The following COQ4 variants were observed in gnomAD, a reference collection of about 807,000 sequenced individuals.
The protein encoded by COQ4 is coenzyme Q4, also known as ubiquinone biosynthesis protein COQ4 homolog, mitochondrial.
Under a neutral mutation model 30.2 loss-of-function variants are expected in COQ4, and 36 were observed. That is an observed-to-expected ratio of 1.19 (90% CI 0.91 to 1.57). The LOEUF is 1.57. Among genes scored for constraint, COQ4 ranks in the 40% most tolerant of loss-of-function variants. The pLI is 0.00. For synonymous variants in COQ4, 197 were observed against 161.0 expected, an observed-to-expected ratio of 1.22 and a Z score of -1.69; for missense variants, 369 against 371.9, an observed-to-expected ratio of 0.99 and a Z score of 0.07.
At position 128,332,153 on chromosome 9, in the gene COQ4, A is replaced by G; in HGVS notation, c.403A>G (p.Arg135Gly). Residue 135 changes from arginine to glycine, a missense_variant and splice_region_variant, in exon 5 of 7, where the codon AGG becomes GGG. Transcript: ENST00000300452. ...TCTAGGGGAGGCTCATGGTTGTCAG[A>G]GGGTCTCCCCAGACACCCGAGCACC... ...REYLRFLDVN[R>G]VSPDTRAPTR... is the part of the protein sequence containing the mutation. 2.6e-6 allele frequency: 4 copies of G among 1,563,758 alleles called. No individual in the cohort carries two copies. The highest frequency in any genetic ancestry group is 3.5e-6 in the Non-Finnish European group (4 of 1,153,706).
At position 128,325,125 on chromosome 9, in the gene COQ4, C is replaced by T; in HGVS notation, c.203-18C>T. On this transcript the variant is annotated intron_variant, in intron 2 of 6. Transcript: ENST00000300452. ...CTAAGATGACATCCCCCATTTGTGC[C>T]CGTTTCTGTCCTTTCAGACATGGTC... The T allele has an allele frequency of 1.9e-6, 3 of 1,598,866 alleles. No individual in the cohort carries two copies. Among genetic ancestry groups the T allele is most frequent in the Non-Finnish European group, 2.6e-6 (3 of 1,168,130 alleles).
chr9:128,322,981 G>A (rs774486514), intron 1 of COQ4, 35 bp from the exon 2 acceptor site: 43 of 1,607,632 alleles, frequency 2.7e-5, no homozygotes, highest in Non-Finnish European at 3.6e-5. Context: ...AGGGCGCCCG[G>A]CTCCTCTGAC....
At chr9:128,325,281 G>A in intron 3 of COQ4, 42 bp downstream of exon 3, 2 of 1,383,558 alleles carry the variant, frequency 1.4e-6, no homozygotes, top group South Asian at 2.4e-5. Flanking sequence ...GCATTCTCTA[G>A]GTATTCTGAC....
At chr9:128,332,798 G>T in intron 5 of COQ4, 52 bp from the exon 6 acceptor site, 1 of 1,314,584 alleles carries the variant, frequency 7.6e-7, no homozygotes, top group Non-Finnish European at 1.1e-6. Flanking sequence ...GAGCACCACT[G>T]GCCTTTCCTT....
intron 5 of COQ4, chr9:128,332,522 T>G (rs1564393812): frequency 8.5e-6 from 5 of 589,880 alleles, no homozygotes. Flanking sequence ...CTTTTTAGGC[T>G]TTAGCTGCCT....
intron 4 of COQ4, among the ~76,000 whole-genome samples, chr9:128,328,929 G>A (rs971831609): frequency 9.2e-5 from 14 of 152,196 alleles, no homozygotes; most frequent in Admixed American, 2.6e-4. Context: ...CCGCGCTGGC[G>A]ATTGTGACAC....
chr9:128,332,267 CCCA>C lies in COQ4; in HGVS notation c.521_523del (p.Thr174del), dbSNP rs786204771. The C allele has an allele frequency of 5.6e-6, 9 of 1,612,572 alleles. No individual in the cohort carries two copies. The highest frequency in any genetic ancestry group is 7.6e-6 in the Non-Finnish European group (9 of 1,179,750). On this transcript the variant is annotated inframe_deletion, in exon 5 of 7. Coordinates refer to ENST00000300452, the MANE Select transcript of COQ4 (RefSeq NM_016035.5). Reference sequence around the variant, plus strand: ...CATGCTTCACACCCTGCTGGGGATGCCCACCAACATCCTGGGTGAGTGCCCCCA... The same window carrying C: ...CATGCTTCACACCCTGCTGGGGATGCCCAACATCCTGGGTGAGTGCCCCCA...
intron 4 of COQ4, chr9:128,326,197 C>A: frequency 1.9e-6 from 1 of 529,438 alleles, no homozygotes; most frequent in Non-Finnish European, 3.3e-6. Context: ...GATAAGGAAA[C>A]AGAGGCTCAG....
At chr9:128,325,944 T>C in intron 4 of COQ4, 63 bp downstream of exon 4, 1 of 1,405,614 alleles carries the variant, frequency 7.1e-7, no homozygotes. Flanking sequence ...AGCACAGGCA[T>C]GACACCCTGA....
At chr9:128,325,495 C>A in intron 3 of COQ4, among the ~76,000 whole-genome samples, 1 of 152,200 alleles carries the variant, frequency 6.6e-6, no homozygotes, top group East Asian at 1.9e-4. Context: ...ATTAAGTTCC[C>A]ATAACATGTG....
chr9:128,333,468 C>A lies in COQ4; in HGVS notation c.627-6C>A. On this transcript the variant is annotated splice_region_variant and splice_polypyrimidine_tract_variant and intron_variant, in intron 6 of 6. Transcript: ENST00000300452. ...GATGTTTTCTTTTTCCTCTGCTGCC[C>A]CACAGGAGCCTGCAAGTGCTGGTCT... 1.3e-6 allele frequency: 2 copies of A among 1,517,404 alleles called. No homozygotes were observed. Among genetic ancestry groups the A allele is most frequent in the Non-Finnish European group, 1.8e-6 (2 of 1,133,090 alleles). The allele number at this position is 1,517,404 out of a possible 1,614,324, so 94.0% of individuals were successfully genotyped here.
chr9:128,328,189 A>G (rs1471366196), intron 4 of COQ4, among the ~76,000 whole-genome samples: 1 of 152,260 alleles, frequency 6.6e-6, no homozygotes, highest in African/African-American at 2.4e-5. Flanking sequence ...CCTGTAGGCC[A>G]CCAGAAGGAG....
intron 4 of COQ4, among the ~76,000 whole-genome samples, chr9:128,330,046 A>G (rs1832379275): frequency 6.6e-6 from 1 of 152,146 alleles, no homozygotes. Context: ...CTTGTGTAGC[A>G]GACAGGCTGT....
chr9:128,331,737 T>A (rs1832410317), intron 4 of COQ4: 1 of 152,058 alleles, frequency 6.6e-6, no homozygotes, highest in Admixed American at 6.7e-5. Flanking sequence ...TGTTCTGGGT[T>A]TTTTTTTTCT....
chr9:128,327,752 T>C (rs148333248), intron 4 of COQ4, among the ~76,000 whole-genome samples: 170 of 152,014 alleles, frequency 1.1e-3, no homozygotes, highest in African/African-American at 3.9e-3. Context: ...CGGTGAGCCG[T>C]AATCACACCA....
In COQ4 at chr9:128,323,053, G is replaced by A; in HGVS notation, c.108G>A (p.Pro36=). 1.9e-6 allele frequency: 3 copies of A among 1,612,090 alleles called. No homozygotes were observed. Among genetic ancestry groups the A allele is most frequent in the Non-Finnish European group, 2.5e-6 (3 of 1,179,802 alleles). The change falls in exon 2 of 7, where the codon CCG becomes CCA. Residue 36 remains proline, a synonymous_variant. Transcript: ENST00000300452. ...PLRARSDGAG[P]LYSHHLPTSP... is the part of the protein sequence containing the mutation. ...GGGCTAGGAGCGACGGCGCCGGCCCGCTATACTCGCACCACCTCCCCACCT... is the reference window on the plus strand; with the variant it reads ...GGGCTAGGAGCGACGGCGCCGGCCCACTATACTCGCACCACCTCCCCACCT...
rs138560167 is a variant in COQ4 at position 128,332,195 on chromosome 9, G to A, written c.445G>A (p.Asp149Asn). The A allele has an allele frequency of 6.2e-7, 1 of 1,605,750 alleles. No homozygotes were observed. The highest frequency in any genetic ancestry group is 1.1e-5 in the South Asian group (1 of 89,318). The change falls in exon 5 of 7, where the codon GAT (aspartate) becomes AAT (asparagine). Residue 149 changes from aspartate to asparagine, a missense_variant. By Grantham distance (23) the Asp-to-Asn change is conservative. Coordinates refer to ENST00000300452, the MANE Select transcript of COQ4 (RefSeq NM_016035.5). ...DTRAPTRFVDDEELAYVIQRY... is the reference protein window; with the variant it reads ...DTRAPTRFVDNEELAYVIQRY... ...CCGAGCACCCACCCGCTTCGTGGATGATGAGGAGCTAGCGTATGTGATTCA... is the reference window on the plus strand; with the variant it reads ...CCGAGCACCCACCCGCTTCGTGGATAATGAGGAGCTAGCGTATGTGATTCA...
At position 128,333,583 on chromosome 9, in the gene COQ4, AG is replaced by A; in HGVS notation, c.739del (p.Ala247LeufsTer68). 1 of 1,608,100 alleles carries A rather than the reference AG, an allele frequency of 6.2e-7. No individual in the cohort carries two copies. Among genetic ancestry groups the A allele is most frequent in the Non-Finnish European group, 8.5e-7 (1 of 1,177,686 alleles). Reference sequence around the variant, plus strand: ...TGAGCGGCGCTGGGAGCAGTCCCTGAGGGCTCTGCGGGAGGAGCTGGGCATT... The same window carrying A: ...TGAGCGGCGCTGGGAGCAGTCCCTGAGGCTCTGCGGGAGGAGCTGGGCATT... Reference protein sequence around the residue: ...YYERRWEQSLRALREELGITA... With the variant: ...YYERRWEQSLXALREELGITA... On this transcript the variant is annotated frameshift_variant, in exon 7 of 7. Coordinates refer to ENST00000300452, the MANE Select transcript of COQ4 (RefSeq NM_016035.5). LOFTEE classifies it high-confidence loss of function.
In COQ4 at chr9:128,325,850, G is replaced by A; in HGVS notation, c.371G>A (p.Gly124Asp). The part of the protein sequence containing the change: ...KLQSLPEGSL[G>D]REYLRFLDVN... ...CAGAGCCTGCCGGAAGGCTCCCTCGGTCGCGAGTATCTCCGTTTCCTGGAT... is the reference window on the plus strand; with the variant it reads ...CAGAGCCTGCCGGAAGGCTCCCTCGATCGCGAGTATCTCCGTTTCCTGGAT... The change falls in exon 4 of 7, where the codon GGT (glycine) becomes GAT (aspartate). Residue 124 changes from glycine to aspartate, a missense_variant. By Grantham distance (94) the Gly-to-Asp change is moderately conservative. Transcript: ENST00000300452. The A allele has an allele frequency of 6.2e-7, 1 of 1,614,180 alleles. No homozygotes were observed. Among genetic ancestry groups the A allele is most frequent in the Non-Finnish European group, 8.5e-7 (1 of 1,180,028 alleles).
Sources: allele counts gnomAD v4.1 joint callset (sites outside exome capture counted in the v4.1 genomes callset), GRCh38; gene constraint gnomAD v4.1.1; transcripts MANE v1.5; gene names NCBI Gene and HGNC (gene_info 2026-07-23, HGNC 2026-07-21).